Variants in PUM2 observed in about 807,000 individuals in gnomAD.
PUM2 encodes pumilio homolog 2.
PUM2 carries 57 observed loss-of-function variants against 124.5 expected under a neutral mutation model. That is an observed-to-expected ratio of 0.46 (90% CI 0.37 to 0.57). PUM2 has a LOEUF of 0.57. Among genes scored for constraint, PUM2 ranks in the 20% least tolerant of loss-of-function variants. The probability of loss-of-function intolerance (pLI) is 0.00; values close to 1 mark genes in which losing one functional copy is unlikely to be tolerated. For missense variants in PUM2, 1,065 were observed against 1,290.6 expected (o/e 0.83, Z 2.68); for synonymous variants, 460 against 446.1 (o/e 1.03, Z -0.39).
At position 20,283,125 on chromosome 2, in the gene PUM2, T is replaced by C; in HGVS notation, c.1542A>G (p.Pro514=). 6.2e-7 allele frequency: 1 copy of C among 1,614,166 alleles called. No homozygotes were observed. Among genetic ancestry groups the C allele is most frequent in the Non-Finnish European group, 8.5e-7 (1 of 1,180,032 alleles). Residue 514 remains proline, a synonymous_variant, in exon 12 of 21, where the codon CCA becomes CCG. Transcript: ENST00000361078. The stretch of plus-strand genomic sequence containing the variant: ...ATGAATTAGATTGCAGATTAGTGCT[T>C]GGCTGCTGTTGCTGCTGCTGTGGTG... ...TQPPQQQQQQ[P]STNLQSNSFY...
intron 14 of PUM2, among the ~76,000 whole-genome samples, chr2:20,262,728 T>C (rs1242380261): frequency 1.3e-5 from 2 of 152,244 alleles, no homozygotes; most frequent in Non-Finnish European, 2.9e-5. Context: ...TTCAGATGTA[T>C]CTCTCATGTA....
intron 13 of PUM2, among the ~76,000 whole-genome samples, chr2:20,267,731 GGTCCAAAA>G: frequency 6.6e-6 from 1 of 151,312 alleles, no homozygotes; most frequent in Non-Finnish European, 1.5e-5. Context: ...ATGGTCCAAT[GGTCCAAAA>G]GGTATGGGAC....
intron 12 of PUM2, among the ~76,000 whole-genome samples, chr2:20,281,582 A>G (rs148262992): frequency 6.6e-6 from 1 of 152,276 alleles, no homozygotes; most frequent in Non-Finnish European, 1.5e-5. Context: ...AATATTTAGG[A>G]TTCTTTGGAG....
chr2:20,292,577 G>T (rs1380336003), intron 9 of PUM2, among the ~76,000 whole-genome samples: 1 of 151,926 alleles, frequency 6.6e-6, no homozygotes, highest in East Asian at 2.0e-4. Context: ...GGCCAGGCTG[G>T]TCTCTAACTC....
chr2:20,311,256 C>G (rs1679533680), intron 5 of PUM2, among the ~76,000 whole-genome samples: 1 of 152,056 alleles, frequency 6.6e-6, no homozygotes, highest in Admixed American at 6.5e-5. Flanking sequence ...AGCACAGCTT[C>G]TAACATTACT....
Position 20,254,995 on chromosome 2 carries a change from T to C in PUM2, c.2749-11A>G, listed in dbSNP as rs918349641. 6.2e-7 allele frequency: 1 copy of C among 1,601,654 alleles called. No individual in the cohort carries two copies. ...ATTGCCATACTGATCCTAAGACAGA[T>C]ATTTAAAAATTACTTTCCCTAAGTC... On this transcript the variant is annotated splice_polypyrimidine_tract_variant and intron_variant, in intron 18 of 20. Coordinates refer to ENST00000361078, the MANE Select transcript of PUM2 (RefSeq NM_015317.5).
At chr2:20,278,556 T>TA (rs945830033) in intron 13 of PUM2, 27 bp downstream of exon 13, 32 of 1,531,342 alleles carry the variant, frequency 2.1e-5, no homozygotes, top group African/African-American at 2.8e-5. Context: ...TACATACAAA[T>TA]AAAAAGGGTT....
At chr2:20,300,969 A>G (rs573089383) in intron 7 of PUM2, among the ~76,000 whole-genome samples, 1 of 152,302 alleles carries the variant, frequency 6.6e-6, no homozygotes, top group Non-Finnish European at 1.5e-5. Context: ...TTGTGCATTC[A>G]GTGAAAAACT....
At position 20,258,270 on chromosome 2, in the gene PUM2, T is replaced by C. The variant is rs569311672; in HGVS notation, c.2457A>G (p.Ala819=). 2.5e-6 allele frequency: 4 copies of C among 1,607,842 alleles called. No individual in the cohort carries two copies. In the African/African-American group the frequency reaches 4.0e-5, roughly 16 times the overall value. The change falls in exon 16 of 21, where the codon GCA becomes GCG. Residue 819 remains alanine, a synonymous_variant. Transcript: ENST00000361078. ...GCTGGTCAGAAGAAATAGATTCTAATGCTTTCTGAATAACGCGGCAGCCAT... is the reference window on the plus strand; with the variant it reads ...GCTGGTCAGAAGAAATAGATTCTAACGCTTTCTGAATAACGCGGCAGCCAT... ...QMYGCRVIQK[A]LESISSDQQS... is the part of the protein sequence containing the mutation.
intron 3 of PUM2, among the ~76,000 whole-genome samples, chr2:20,312,642 C>T (rs1026010884): frequency 4.6e-5 from 7 of 152,112 alleles, no homozygotes; most frequent in Non-Finnish European, 1.0e-4. Flanking sequence ...GGCCATACTA[C>T]CCAAGGTAAT....
intron 2 of PUM2, among the ~76,000 whole-genome samples, chr2:20,321,602 A>T (rs1424365140): frequency 6.6e-6 from 1 of 152,160 alleles, no homozygotes; most frequent in African/African-American, 2.4e-5. Flanking sequence ...ATGTAGGGGA[A>T]GGCAACAATT....
At chr2:20,316,322 A>C (rs1026090753) in intron 3 of PUM2, among the ~76,000 whole-genome samples, 1 of 152,182 alleles carries the variant, frequency 6.6e-6, no homozygotes, top group East Asian at 1.9e-4. Flanking sequence ...TAACAATGAA[A>C]TTAAACATTA....
chr2:20,278,880 C>T (rs375766408), intron 12 of PUM2, 61 bp from the exon 13 acceptor site: 2 of 1,236,146 alleles, frequency 1.6e-6, no homozygotes, highest in Admixed American at 2.0e-5. Context: ...AAATCTATCC[C>T]CAACTCTCGC....
chr2:20,350,442 A>AGCGGGCCCCAGGCCGC, intron 1 of PUM2, 155 bp downstream of exon 1: 1 of 961,594 alleles, frequency 1.0e-6, no homozygotes, highest in Non-Finnish European at 1.2e-6. Context: ...GCATTGTGCG[A>AGCGGGCCCCAGGCCGC]GCGGGCCCCA....
chr2:20,272,047 T>C (rs1329539005), intron 13 of PUM2, among the ~76,000 whole-genome samples: 2 of 152,094 alleles, frequency 1.3e-5, no homozygotes, highest in Non-Finnish European at 2.9e-5. Flanking sequence ...TAATCCCCAC[T>C]ACTCAGGAGG....
At chr2:20,306,219 C>G (rs1572836608) in intron 7 of PUM2, among the ~76,000 whole-genome samples, 1 of 151,994 alleles carries the variant, frequency 6.6e-6, no homozygotes. Flanking sequence ...GAAACAACAA[C>G]AAAAACAATA....
At chr2:20,315,203 A>T (rs1046222599) in intron 3 of PUM2, among the ~76,000 whole-genome samples, 2 of 152,000 alleles carry the variant, frequency 1.3e-5, no homozygotes, top group African/African-American at 4.8e-5. Flanking sequence ...TCAGCTGATA[A>T]GGGTTAAAAA....
chr2:20,283,352 C>T lies in PUM2; in HGVS notation c.1426G>A (p.Ala476Thr), dbSNP rs1223829464. 1 of 1,614,002 alleles carries T rather than the reference C, an allele frequency of 6.2e-7. No individual in the cohort carries two copies. Among genetic ancestry groups the T allele is most frequent in the Non-Finnish European group, 8.5e-7 (1 of 1,179,982 alleles). The change falls in exon 11 of 21, where the codon GCA becomes ACA. Residue 476 changes from alanine to threonine, a missense_variant. Physicochemically the swap from Ala to Thr is moderately conservative, Grantham distance 58. This residue lies in a region of PUM2 where 968 missense variants were observed against 1,159.8 expected (regional missense o/e 0.83). Transcript: ENST00000361078. ...TGTCAGTTACACTTACCAGCTTGTG[C>T]TGCTGCTGAACTAATTAAAACAGGT... ...PTPVLISSAA[A>T]QAAAAAAAGG...
At chr2:20,259,978 A>G (rs1345456303) in intron 15 of PUM2, among the ~76,000 whole-genome samples, 1 of 152,210 alleles carries the variant, frequency 6.6e-6, no homozygotes, top group East Asian at 1.9e-4. Context: ...CAGTCATCTT[A>G]GTAGGTATAA....
Sources: allele counts gnomAD v4.1 joint callset (sites outside exome capture counted in the v4.1 genomes callset), GRCh38; gene constraint gnomAD v4.1.1; regional missense constraint gnomAD v4.1.1; transcripts MANE v1.5; gene names NCBI Gene and HGNC (gene_info 2026-07-23, HGNC 2026-07-21).